NPAS3: variants seen among roughly 807,000 people sequenced by gnomAD.
NPAS3 encodes neuronal PAS domain-containing protein 3.
A neutral mutation model predicts 73.1 loss-of-function variants in NPAS3; 14 were observed. The observed-to-expected ratio is 0.19, with a 90% CI of 0.13 to 0.30. NPAS3 has a LOEUF of 0.30. Among genes scored for constraint, NPAS3 ranks in the 10% least tolerant of loss-of-function variants. The pLI is 1.00. For missense variants in NPAS3, 1,096 were observed against 1,250.0 expected, an observed-to-expected ratio of 0.88 and a Z score of 1.86; for synonymous variants, 620 against 541.5, an observed-to-expected ratio of 1.14 and a Z score of -2.01.
At chr14:33,427,986 T>A (rs949893976) in intron 4 of NPAS3, among the ~76,000 whole-genome samples, 4 of 152,042 alleles carry the variant, frequency 2.6e-5, no homozygotes, top group African/African-American at 9.7e-5. Flanking sequence ...GGCCAGGCAG[T>A]TTGGGTGTTT....
Position 33,215,099 on chromosome 14 carries a change from A to C in NPAS3, c.141-83A>C, listed in dbSNP as rs1352767141. 4.2e-6 allele frequency: 6 copies of C among 1,420,160 alleles called. No individual in the cohort carries two copies. In the African/African-American group the frequency reaches 5.7e-5, roughly 14 times the overall value. 88.0% of individuals were successfully genotyped at this position (1,420,160 alleles called of 1,614,324 possible). ...TTTTTGGTAGAATTTTGGTGGGAAA[A>C]AAGGAAATACAAAGAAAGCAGTATT... On this transcript the variant is annotated intron_variant, in intron 2 of 11. Transcript: ENST00000356141.
At chr14:33,202,707 C>T (rs1393951283) in intron 2 of NPAS3, among the ~76,000 whole-genome samples, 6 of 146,418 alleles carry the variant, frequency 4.1e-5, no homozygotes, top group Admixed American at 6.7e-5. Context: ...ATATTCATGT[C>T]TTTTTTTTTT....
At chr14:33,640,613 ATCAAGGGCAGAC>A (rs1385318651) in intron 5 of NPAS3, among the ~76,000 whole-genome samples, 1 of 152,220 alleles carries the variant, frequency 6.6e-6, no homozygotes, top group East Asian at 1.9e-4. Flanking sequence ...TAAACTTCTA[ATCAAGGGCAGAC>A]TAACATTCAT....
At chr14:33,724,642 C>T (rs1453583318) in intron 6 of NPAS3, among the ~76,000 whole-genome samples, 1 of 151,602 alleles carries the variant, frequency 6.6e-6, no homozygotes, top group Non-Finnish European at 1.5e-5. Flanking sequence ...TCAAAAACAA[C>T]AAAAAATGCA....
At chr14:33,573,697 G>A (rs916122501) in intron 5 of NPAS3, among the ~76,000 whole-genome samples, 5 of 152,062 alleles carry the variant, frequency 3.3e-5, no homozygotes, top group Non-Finnish European at 7.4e-5. Flanking sequence ...TAAGGAAATT[G>A]GAATTTTTCC....
intron 3 of NPAS3, among the ~76,000 whole-genome samples, chr14:33,362,336 A>G (rs2045641577): frequency 1.3e-5 from 2 of 152,170 alleles, no homozygotes; most frequent in African/African-American, 4.8e-5. Flanking sequence ...AAACTGAGAA[A>G]TTTTAATTTT....
chr14:33,614,741 T>C (rs75876932), intron 5 of NPAS3, among the ~76,000 whole-genome samples: 2,371 of 152,160 alleles, frequency 0.016, 55 homozygotes, highest in African/African-American at 0.055. Context: ...AACCCCAAAT[T>C]TGAAGGAACA....
At chr14:33,803,634 A>G (rs925188482), downstream of NPAS3, 1 of 152,118 alleles carries the variant, frequency 6.6e-6, no homozygotes, top group Non-Finnish European at 1.5e-5. Context: ...TGTTGTGTCA[A>G]AATGATTTCT....
chr14:33,595,581 TAGAA>T (rs1055723566), intron 5 of NPAS3, among the ~76,000 whole-genome samples: 3 of 152,234 alleles, frequency 2.0e-5, no homozygotes, highest in Non-Finnish European at 2.9e-5. Context: ...TGATAATGAT[TAGAA>T]AGAGAAACAA....
At chr14:33,557,942 C>T (rs1350270863) in intron 4 of NPAS3, among the ~76,000 whole-genome samples, 1 of 152,080 alleles carries the variant, frequency 6.6e-6, no homozygotes, top group Non-Finnish European at 1.5e-5. Context: ...GCACTCCAGC[C>T]TGGGTGACAG....
chr14:33,046,846 C>T (rs906871784), intron 1 of NPAS3, among the ~76,000 whole-genome samples: 7 of 152,098 alleles, frequency 4.6e-5, no homozygotes, highest in Admixed American at 6.5e-5. Flanking sequence ...CATGGTGGCA[C>T]ATGGCTGTGA....
chr14:33,258,163 G>A (rs2048845218), intron 3 of NPAS3, among the ~76,000 whole-genome samples: 1 of 152,154 alleles, frequency 6.6e-6, no homozygotes, highest in African/African-American at 2.4e-5. Context: ...TTGGCAGGCC[G>A]AGGTGGGCAA....
chr14:33,631,715 C>A (rs575592328), intron 5 of NPAS3, among the ~76,000 whole-genome samples: 1 of 152,164 alleles, frequency 6.6e-6, no homozygotes, highest in Non-Finnish European at 1.5e-5. Context: ...GCCTGAATAA[C>A]CCTGGCATGG....
rs1372639103 is a variant in NPAS3 at position 32,994,654 on chromosome 14, CAG to C, written c.50+55291_50+55292del. 5.8e-5 allele frequency among the ~76,000 whole-genome samples: 6 copies of C among 102,748 alleles called. No homozygotes were observed. In the East Asian group the frequency reaches 6.7e-4, roughly 11 times the overall value. 67.4% of individuals were successfully genotyped at this position (102,748 alleles called of 152,430 possible). ...TGTTTTTGTTTTTTTTTTTTTGAGA[CAG>C]AGTCTCACTCCATTGCTTAGGCTGT... On this transcript the variant is annotated intron_variant, in intron 1 of 11. Coordinates refer to ENST00000356141, the Ensembl canonical transcript of NPAS3.
intron 6 of NPAS3, among the ~76,000 whole-genome samples, chr14:33,695,166 G>A (rs756442931): frequency 2.6e-5 from 4 of 152,082 alleles, no homozygotes; most frequent in African/African-American, 4.8e-5. Context: ...CTTTCAGATG[G>A]TCACCCTTGA....
chr14:33,580,913 A>T (rs2139878039), intron 5 of NPAS3, among the ~76,000 whole-genome samples: 1 of 152,252 alleles, frequency 6.6e-6, no homozygotes, highest in Middle Eastern at 3.4e-3. Flanking sequence ...CCCGCCAAAC[A>T]TGTTAATCCA....
chr14:33,633,759 C>T (rs776111277), intron 5 of NPAS3, among the ~76,000 whole-genome samples: 3 of 152,124 alleles, frequency 2.0e-5, no homozygotes, highest in Non-Finnish European at 2.9e-5. Context: ...GCAGGAGGAT[C>T]ACTTGAGCCC....
Position 33,672,730 on chromosome 14 carries a change from T to C in NPAS3, c.559-3481T>C, listed in dbSNP as rs368457299. Among the ~76,000 whole-genome samples the C allele has an allele frequency of 9.9e-5, 15 of 151,464 alleles. No individual in the cohort carries two copies. In the East Asian group the frequency reaches 1.2e-3, roughly 12 times the overall value. ...AAAAAAAAAAAATCAGACAAGGGTT[T>C]AGTGGGAAAAGTGGTGGACTGAGAA... On this transcript the variant is annotated intron_variant, in intron 5 of 11. Coordinates refer to ENST00000356141, the Ensembl canonical transcript of NPAS3.
At chr14:33,540,021 C>A (rs1197682161) in intron 4 of NPAS3, among the ~76,000 whole-genome samples, 1 of 152,164 alleles carries the variant, frequency 6.6e-6, no homozygotes. Context: ...TGGTTGCTTT[C>A]TCTTTTTTGG....
Sources: gnomAD v4.1 joint callset for allele counts (sites outside exome capture counted in the v4.1 genomes callset) on GRCh38, gnomAD v4.1.1 for gene constraint, MANE v1.5 for transcripts, NCBI Gene and HGNC (gene_info 2026-07-23, HGNC 2026-07-21) for gene names.